NCAM2: variants seen among roughly 807,000 people sequenced by gnomAD.
NCAM2 encodes neural cell adhesion molecule 2.
In NCAM2, 30 loss-of-function variants were observed where a neutral mutation model predicts 98.1. The ratio of observed to expected loss-of-function variants is 0.31; its 90% CI spans 0.23 to 0.41. The LOEUF (loss-of-function observed/expected upper bound fraction) is 0.41. Ranked by LOEUF, NCAM2 falls within the 10% of genes least tolerant of loss-of-function variation. The probability of loss-of-function intolerance (pLI) is 1.00; values close to 1 mark genes in which losing one functional copy is unlikely to be tolerated. For synonymous variants in NCAM2, 368 were observed against 342.4 expected (o/e 1.07, Z -0.83); for missense variants, 867 against 1,005.8 (o/e 0.86, Z 1.87).
At chr21:21,433,795 T>TAAAATAAAAA (rs2077403735) in intron 12 of NCAM2, among the ~76,000 whole-genome samples, 1 of 138,182 alleles carries the variant, frequency 7.2e-6, no homozygotes, top group Non-Finnish European at 1.6e-5. Flanking sequence ...TAAAATAAAA[T>TAAAATAAAAA]AAAAATAAAA....
At chr21:21,315,193 A>G (rs1476311182) in intron 5 of NCAM2, among the ~76,000 whole-genome samples, 1 of 152,112 alleles carries the variant, frequency 6.6e-6, no homozygotes, top group Non-Finnish European at 1.5e-5. Flanking sequence ...TCTGTCCTGC[A>G]TGTGTACCAA....
chr21:21,055,360 A>G (rs955156465), intron 1 of NCAM2, among the ~76,000 whole-genome samples: 1 of 152,088 alleles, frequency 6.6e-6, no homozygotes, highest in African/African-American at 2.4e-5. Context: ...TGCTTTAAAA[A>G]TAACCTTATT....
intron 1 of NCAM2, among the ~76,000 whole-genome samples, chr21:21,260,569 A>AT (rs1295341812): frequency 6.6e-6 from 1 of 151,428 alleles, no homozygotes; most frequent in Non-Finnish European, 1.5e-5. Context: ...TTGAAGAAAA[A>AT]AAAAAATGCC....
chr21:21,224,563 CTA>C (rs1477276079), intron 1 of NCAM2, among the ~76,000 whole-genome samples: 1 of 152,036 alleles, frequency 6.6e-6, no homozygotes, highest in African/African-American at 2.4e-5. Flanking sequence ...AAATTTGCCT[CTA>C]AATTTCACAC....
rs1174398486 is a variant in NCAM2, at chr21:21,052,164, T to G, written c.55+53546T>G. Among the ~76,000 whole-genome samples, 13 of 142,442 alleles carry G rather than the reference T, an allele frequency of 9.1e-5. No individual in the cohort carries two copies. The South Asian group carries it at 2.5e-3, about 28-fold the overall frequency. The allele number at this position is 142,442 out of a possible 152,430, so 93.4% of individuals were successfully genotyped here. On this transcript the variant is annotated intron_variant, in intron 1 of 17. Coordinates refer to ENST00000400546, the MANE Select transcript of NCAM2 (RefSeq NM_004540.5). ...TCATGATGGCCATTTTTTTTTTTTTTTTTTTTTTTTTGAGACGGAGTCTCG... is the reference window on the plus strand; with the variant it reads ...TCATGATGGCCATTTTTTTTTTTTTGTTTTTTTTTTTGAGACGGAGTCTCG...
intron 15 of NCAM2, among the ~76,000 whole-genome samples, chr21:21,484,625 G>T (rs964008019): frequency 6.6e-6 from 1 of 151,880 alleles, no homozygotes; most frequent in Non-Finnish European, 1.5e-5. Context: ...AATAGTAATA[G>T]CAAGGCTTAT....
At chr21:21,070,256 A>G (rs1466971099) in intron 1 of NCAM2, among the ~76,000 whole-genome samples, 1 of 140,248 alleles carries the variant, frequency 7.1e-6, no homozygotes, top group East Asian at 2.1e-4. Flanking sequence ...AACCTGATAT[A>G]TGTACATAGT....
chr21:21,385,436 T>C (rs1243777589), intron 9 of NCAM2, among the ~76,000 whole-genome samples: 1 of 146,816 alleles, frequency 6.8e-6, no homozygotes, highest in East Asian at 2.2e-4. Context: ...ACCAGAACAG[T>C]CTTATACCAC....
intron 1 of NCAM2, among the ~76,000 whole-genome samples, chr21:21,208,953 G>A (rs1180198192): frequency 6.6e-6 from 1 of 152,102 alleles, no homozygotes; most frequent in South Asian, 2.1e-4. Context: ...TTAATAGGCA[G>A]GGGTTGAACA....
At chr21:21,039,899 T>C (rs1207896246) in intron 1 of NCAM2, among the ~76,000 whole-genome samples, 1 of 152,178 alleles carries the variant, frequency 6.6e-6, no homozygotes, top group Non-Finnish European at 1.5e-5. Context: ...CTAGAGTTAT[T>C]ATATTTCAAA....
intron 1 of NCAM2, among the ~76,000 whole-genome samples, chr21:21,273,887 C>T (rs1021861889): frequency 9.2e-5 from 14 of 152,024 alleles, no homozygotes; most frequent in Admixed American, 2.6e-4. Context: ...AAGTTTAGGC[C>T]GGGTGCGTTG....
chr21:21,356,647 G>A (rs897909065), intron 8 of NCAM2, among the ~76,000 whole-genome samples: 23 of 152,026 alleles, frequency 1.5e-4, no homozygotes, highest in Non-Finnish European at 4.4e-5. Context: ...AAATAATGAA[G>A]ACTTTTATAT....
At chr21:21,358,683 T>A (rs1017890149) in intron 8 of NCAM2, among the ~76,000 whole-genome samples, 1 of 152,016 alleles carries the variant, frequency 6.6e-6, no homozygotes, top group Non-Finnish European at 1.5e-5. Context: ...GAACTAGTAT[T>A]ACGTGGTAGT....
intron 1 of NCAM2, among the ~76,000 whole-genome samples, chr21:21,063,207 A>ATTT (rs2065357469): frequency 1.9e-5 from 2 of 103,622 alleles, no homozygotes; most frequent in Non-Finnish European, 3.9e-5. Flanking sequence ...TTATCTTTAC[A>ATTT]TTCTTTTTTT....
At chr21:21,410,227 T>C in intron 9 of NCAM2, 47 bp from the exon 10 acceptor site, 1 of 1,058,316 alleles carries the variant, frequency 9.4e-7, no homozygotes, top group Non-Finnish European at 1.3e-6. Context: ...AATGATTATT[T>C]AACTTAAAGA....
intron 5 of NCAM2, among the ~76,000 whole-genome samples, chr21:21,300,545 T>TA (rs5842914): frequency 1 from 152,100 of 152,100 alleles, 76,050 homozygotes; most frequent in Non-Finnish European, 1. Flanking sequence ...ACAGCCTCTT[T>TA]ACAATGTACC....
At chr21:21,452,213 C>A (rs1467022090) in intron 12 of NCAM2, among the ~76,000 whole-genome samples, 1 of 101,710 alleles carries the variant, frequency 9.8e-6, no homozygotes, top group East Asian at 2.0e-4. Flanking sequence ...TATGTACACA[C>A]ACATATATAT....
intron 1 of NCAM2, among the ~76,000 whole-genome samples, chr21:21,229,560 C>T (rs2070535571): frequency 6.6e-6 from 1 of 151,474 alleles, no homozygotes; most frequent in African/African-American, 2.4e-5. Flanking sequence ...CACATAGAGT[C>T]AAGAATGTCA....
intron 6 of NCAM2, among the ~76,000 whole-genome samples, chr21:21,333,461 C>T (rs1040281300): frequency 2.6e-5 from 4 of 152,166 alleles, no homozygotes; most frequent in Non-Finnish European, 5.9e-5. Context: ...TCTGCATTAA[C>T]CTCTATTAAT....
Sources: gnomAD v4.1 joint callset for allele counts (sites outside exome capture counted in the v4.1 genomes callset) on GRCh38, gnomAD v4.1.1 for gene constraint, MANE v1.5 for transcripts, NCBI Gene and HGNC (gene_info 2026-07-23, HGNC 2026-07-21) for gene names.